The following HS3ST4 variants were observed in gnomAD, a reference collection of about 807,000 sequenced individuals.
HS3ST4 encodes the protein heparan sulfate-glucosamine 3-sulfotransferase 4.
In HS3ST4, 17 loss-of-function variants were observed where a neutral mutation model predicts 29.2. The ratio of observed to expected loss-of-function variants is 0.58; its 90% CI spans 0.40 to 0.87. The LOEUF (loss-of-function observed/expected upper bound fraction) is 0.87. Ranked by LOEUF, HS3ST4 falls within the 40% of genes least tolerant of loss-of-function variation. HS3ST4 has a pLI of 0.00. For missense variants in HS3ST4, 627 were observed against 634.5 expected (o/e 0.99, Z 0.13); for synonymous variants, 314 against 285.7 (o/e 1.10, Z -1.00).
chr16:25,854,768 G>A (rs974474796), intron 1 of HS3ST4, among the ~76,000 whole-genome samples: 5 of 148,948 alleles, frequency 3.4e-5, no homozygotes, highest in Non-Finnish European at 7.4e-5. Context: ...GTGGTGGTAA[G>A]GGAGGCGAGG....
chr16:25,982,692 T>C (rs1488080208), intron 1 of HS3ST4, among the ~76,000 whole-genome samples: 1 of 151,996 alleles, frequency 6.6e-6, no homozygotes, highest in Non-Finnish European at 1.5e-5. Context: ...CGGTAGGGTA[T>C]GGTGGTGTGT....
At chr16:25,916,770 C>T (rs1239333528) in intron 1 of HS3ST4, among the ~76,000 whole-genome samples, 2 of 145,306 alleles carry the variant, frequency 1.4e-5, no homozygotes, top group Admixed American at 6.8e-5. Context: ...AGCTCCGCCT[C>T]CCAGGTTCAC....
At chr16:25,718,375 G>A (rs894376624) in intron 1 of HS3ST4, among the ~76,000 whole-genome samples, 1 of 152,078 alleles carries the variant, frequency 6.6e-6, no homozygotes, top group Non-Finnish European at 1.5e-5. Context: ...GAAAATGAAC[G>A]GGACTTACCT....
At chr16:26,024,467 T>A (rs1246168959) in intron 1 of HS3ST4, among the ~76,000 whole-genome samples, 1 of 151,830 alleles carries the variant, frequency 6.6e-6, no homozygotes, top group Non-Finnish European at 1.5e-5. Context: ...CGCAGTAGCT[T>A]ACACCTGTAA....
At chr16:25,756,205 T>A (rs1050283864) in intron 1 of HS3ST4, among the ~76,000 whole-genome samples, 1 of 151,760 alleles carries the variant, frequency 6.6e-6, no homozygotes, top group Non-Finnish European at 1.5e-5. Flanking sequence ...TGTTACATGG[T>A]TGGCCCTCAA....
At chr16:26,111,501 A>G (rs887055620) in intron 1 of HS3ST4, among the ~76,000 whole-genome samples, 2 of 152,074 alleles carry the variant, frequency 1.3e-5, no homozygotes, top group South Asian at 2.1e-4. Context: ...AGTTTAGAAC[A>G]TAAGCATATT....
chr16:25,907,484 A>G lies in HS3ST4; in HGVS notation c.734+214333A>G, dbSNP rs143983185. ...GGAGCTTATAATTTTGTCTCTATCT[A>G]TTTCTAAAAGATATAATCAAATGCA... is the stretch of plus-strand genomic sequence containing the variant. On this transcript the variant is annotated intron_variant, in intron 1 of 1. Coordinates refer to ENST00000331351, the MANE Select transcript of HS3ST4 (RefSeq NM_006040.3). 6.3e-4 allele frequency among the ~76,000 whole-genome samples: 96 copies of G among 152,220 alleles called. No homozygotes were observed. In the East Asian group the frequency reaches 0.013, roughly 21 times the overall value.
chr16:26,098,572 C>T (rs560756014), intron 1 of HS3ST4, among the ~76,000 whole-genome samples: 22 of 152,008 alleles, frequency 1.4e-4, no homozygotes, highest in African/African-American at 5.1e-4. Context: ...CATCACACAC[C>T]AGGGCCTGTC....
At chr16:25,901,175 C>A (rs1968116768) in intron 1 of HS3ST4, among the ~76,000 whole-genome samples, 1 of 152,112 alleles carries the variant, frequency 6.6e-6, no homozygotes, top group African/African-American at 2.4e-5. Flanking sequence ...TGACAAATTT[C>A]TCCCTTGCCC....
intron 1 of HS3ST4, among the ~76,000 whole-genome samples, chr16:25,823,823 C>T (rs550968911): frequency 4.6e-5 from 7 of 152,216 alleles, no homozygotes; most frequent in African/African-American, 7.2e-5. Context: ...CTTGGTCTCT[C>T]AAAGTCATGA....
intron 1 of HS3ST4, among the ~76,000 whole-genome samples, chr16:25,865,346 C>G (rs760881067): frequency 6.6e-6 from 1 of 152,202 alleles, no homozygotes; most frequent in Non-Finnish European, 1.5e-5. Flanking sequence ...AGTAGCCACT[C>G]TGACAGGTGT....
At chr16:25,762,017 T>C (rs572305957) in intron 1 of HS3ST4, among the ~76,000 whole-genome samples, 254 of 152,258 alleles carry the variant, frequency 1.7e-3, no homozygotes, top group Non-Finnish European at 2.4e-3. Flanking sequence ...ATGGGAGATG[T>C]AGTCTTGGGG....
chr16:26,109,656 G>T (rs1210977447), intron 1 of HS3ST4, among the ~76,000 whole-genome samples: 1 of 151,296 alleles, frequency 6.6e-6, no homozygotes, highest in Non-Finnish European at 1.5e-5. Context: ...CAGTGTACAC[G>T]GTCTTATATT....
At chr16:25,972,164 G>C (rs575551617) in intron 1 of HS3ST4, among the ~76,000 whole-genome samples, 1 of 152,308 alleles carries the variant, frequency 6.6e-6, no homozygotes, top group African/African-American at 2.4e-5. Context: ...GGTTGTAGTA[G>C]CTATTATTGC....
rs1227270336 is a variant in HS3ST4, at chr16:25,813,426, C to T, written c.734+120275C>T. Among the ~76,000 whole-genome samples, 15 of 152,042 alleles carry T rather than the reference C, an allele frequency of 9.9e-5. No homozygotes were observed. The South Asian group carries it at 1.2e-3, about 13-fold the overall frequency. ...GATCACTTGAGGCATGGAGAAACCC[C>T]GTCTCCACTAAAAATACAAAATTAG... On this transcript the variant is annotated intron_variant, in intron 1 of 1. Coordinates refer to ENST00000331351, the MANE Select transcript of HS3ST4 (RefSeq NM_006040.3).
At chr16:26,035,322 A>G (rs947768912) in intron 1 of HS3ST4, among the ~76,000 whole-genome samples, 1 of 152,134 alleles carries the variant, frequency 6.6e-6, no homozygotes, top group Admixed American at 6.5e-5. Flanking sequence ...GTTATCATCT[A>G]CTCATGGACT....
At chr16:25,976,823 ACT>A (rs1968948077) in intron 1 of HS3ST4, among the ~76,000 whole-genome samples, 1 of 152,034 alleles carries the variant, frequency 6.6e-6, no homozygotes. Context: ...CAACAACTCA[ACT>A]CTGCTCCGGC....
At chr16:26,075,483 T>C (rs1468068387) in intron 1 of HS3ST4, among the ~76,000 whole-genome samples, 1 of 152,218 alleles carries the variant, frequency 6.6e-6, no homozygotes, top group Admixed American at 6.5e-5. Context: ...GATGAATGAA[T>C]AACAGAGTAT....
chr16:26,011,561 A>C (rs1177614548), intron 1 of HS3ST4, among the ~76,000 whole-genome samples: 2 of 152,180 alleles, frequency 1.3e-5, no homozygotes. Context: ...CTCTGTCTCA[A>C]AAAAAAGCAT....
Sources: allele counts gnomAD v4.1 joint callset (sites outside exome capture counted in the v4.1 genomes callset), GRCh38; gene constraint gnomAD v4.1.1; transcripts MANE v1.5; gene names NCBI Gene and HGNC (gene_info 2026-07-23, HGNC 2026-07-21).